SASS6: variants seen among roughly 807,000 people sequenced by gnomAD.
The protein encoded by SASS6 is spindle assembly abnormal protein 6 homolog.
SASS6 carries 59 observed loss-of-function variants against 94.9 expected under a neutral mutation model. That is an observed-to-expected ratio of 0.62 (90% CI 0.50 to 0.77). The LOEUF (loss-of-function observed/expected upper bound fraction) is 0.77. SASS6 is among the 30% of genes least tolerant of loss of function. SASS6 has a pLI of 0.00. For synonymous variants in SASS6, 264 were observed against 270.0 expected (o/e 0.98, Z 0.22); for missense variants, 698 against 734.1 (o/e 0.95, Z 0.57).
chr1:100,113,855 T>C (rs1653585594), intron 7 of SASS6, among the ~76,000 whole-genome samples: 2 of 152,118 alleles, frequency 1.3e-5, no homozygotes, highest in South Asian at 2.1e-4. Context: ...ATTGTACTAA[T>C]ATATTTAAAC....
intron 8 of SASS6, among the ~76,000 whole-genome samples, chr1:100,108,452 T>A (rs116558417): frequency 6.6e-6 from 1 of 151,960 alleles, no homozygotes; most frequent in Admixed American, 6.6e-5. Flanking sequence ...TATCTTTCTA[T>A]GTCAATAAAT....
chr1:100,119,910 G>C (rs1452903549), intron 6 of SASS6, among the ~76,000 whole-genome samples: 1 of 152,200 alleles, frequency 6.6e-6, no homozygotes, highest in Non-Finnish European at 1.5e-5. Context: ...GTTCTTTAAA[G>C]CAAAGCAAGA....
Position 100,105,922 on chromosome 1 carries a change from A to G in SASS6, c.1409-19T>C. 6.6e-7 allele frequency: 1 copy of G among 1,517,356 alleles called. No individual in the cohort carries two copies. Among genetic ancestry groups the G allele is most frequent in the South Asian group, 1.2e-5 (1 of 84,022 alleles). 94.0% of individuals were successfully genotyped at this position (1,517,356 alleles called of 1,614,324 possible). ...GTGATTACTTAAATAAAAGAACAAG[A>G]AGCAAGGTAAAGAATATTGACTGTT... On this transcript the variant is annotated intron_variant, in intron 12 of 16. Transcript: ENST00000287482.
intron 14 of SASS6, among the ~76,000 whole-genome samples, chr1:100,094,857 C>G (rs1299463900): frequency 2.7e-5 from 4 of 147,910 alleles, no homozygotes; most frequent in East Asian, 2.0e-4. Context: ...CAGAGAGAGA[C>G]TCTGTCTCCA....
intron 14 of SASS6, among the ~76,000 whole-genome samples, chr1:100,098,713 T>C (rs902211012): frequency 6.6e-6 from 1 of 151,946 alleles, no homozygotes; most frequent in African/African-American, 2.4e-5. Flanking sequence ...TAGTTAATTA[T>C]AGTACATCCG....
In SASS6 at chr1:100,120,335, G is replaced by A. The variant is rs993964168; in HGVS notation, c.549+59C>T. 7 of 791,168 alleles carry A rather than the reference G, an allele frequency of 8.8e-6. No individual in the cohort carries two copies. In the African/African-American group the frequency reaches 1.2e-4, roughly 14 times the overall value. 49.0% of individuals were successfully genotyped at this position (791,168 alleles called of 1,614,324 possible). A position where few individuals can be genotyped will look rare whatever the true frequency, so the allele number is the denominator to read the frequency against. ...CATAAAAGCTTGGAACTGAGTCAAG[G>A]AAGCAATTCAGTGCCAATGTCTGGA... On this transcript the variant is annotated intron_variant, in intron 6 of 16. Coordinates refer to ENST00000287482, the MANE Select transcript of SASS6 (RefSeq NM_194292.3).
chr1:100,121,668 T>C (rs1233146387), intron 4 of SASS6, 119 bp from the exon 5 acceptor site: 1 of 592,808 alleles, frequency 1.7e-6, no homozygotes, highest in African/African-American at 2.0e-5. Context: ...GGACTCCCAA[T>C]GGTAAAAGAT....
chr1:100,088,583 A>T (rs528046665), intron 14 of SASS6, among the ~76,000 whole-genome samples: 1 of 139,576 alleles, frequency 7.2e-6, no homozygotes, highest in Non-Finnish European at 1.5e-5. Context: ...AGCCACCATT[A>T]CCGGGGTGAA....
At chr1:100,114,853 T>C (rs1216786581) in intron 7 of SASS6, among the ~76,000 whole-genome samples, 2 of 152,234 alleles carry the variant, frequency 1.3e-5, no homozygotes, top group Non-Finnish European at 2.9e-5. Flanking sequence ...TGGAAATCTA[T>C]TGTTATAATT....
Position 100,117,854 on chromosome 1 carries a change from G to GA in SASS6, c.669+1163dup, listed in dbSNP as rs79222012. Reference sequence around the variant, plus strand: ...AATTAAGAAGGTGGCAGGGCACAGTGAAAAAAAAAAAATAACCACACAGAA... The same window carrying GA: ...AATTAAGAAGGTGGCAGGGCACAGTGAAAAAAAAAAAAATAACCACACAGAA... On this transcript the variant is annotated intron_variant, in intron 7 of 16. Coordinates refer to ENST00000287482, the MANE Select transcript of SASS6 (RefSeq NM_194292.3). 3.4e-3 allele frequency among the ~76,000 whole-genome samples: 235 copies of GA among 69,988 alleles called. 1 individual carries two copies. Among genetic ancestry groups the GA allele is most frequent in the Middle Eastern group, 0.014 (1 of 72 alleles). 45.9% of individuals were successfully genotyped at this position (69,988 alleles called of 152,430 possible).
intron 14 of SASS6, among the ~76,000 whole-genome samples, chr1:100,093,403 T>C (rs1443330522): frequency 6.6e-6 from 1 of 152,178 alleles, no homozygotes; most frequent in African/African-American, 2.4e-5. Context: ...AGATTTCTAG[T>C]TTAATTCCAG....
At chr1:100,091,325 A>C (rs1376584401) in intron 14 of SASS6, among the ~76,000 whole-genome samples, 4 of 152,040 alleles carry the variant, frequency 2.6e-5, no homozygotes, top group African/African-American at 9.7e-5. Context: ...AAGAATCACA[A>C]CCTAAAGAAG....
chr1:100,122,549 CTT>C (rs71075469), intron 3 of SASS6, 65 bp from the exon 4 acceptor site: 5,363 of 221,550 alleles, frequency 0.024, no homozygotes, highest in South Asian at 0.04. Context: ...GTTTTGGTGC[CTT>C]TTTTTTTTTT....
At chr1:100,120,981 C>T (rs973369775) in intron 5 of SASS6, among the ~76,000 whole-genome samples, 6 of 141,698 alleles carry the variant, frequency 4.2e-5, no homozygotes, top group Admixed American at 3.0e-4. Context: ...ACCCGGGAGG[C>T]GGAGCTTGCA....
At position 100,105,915 on chromosome 1, in the gene SASS6, GAAC is replaced by G. The variant is rs1235535680; in HGVS notation, c.1409-15_1409-13del. ...TAACCACGTGATTACTTAAATAAAA[GAAC>G]AAGAAGCAAGGTAAAGAATATTGAC... On this transcript the variant is annotated splice_polypyrimidine_tract_variant and intron_variant, in intron 12 of 16. Transcript: ENST00000287482. The G allele has an allele frequency of 1.3e-6, 2 of 1,556,834 alleles. No individual in the cohort carries two copies. Among genetic ancestry groups the G allele is most frequent in the East Asian group, 2.3e-5 (1 of 44,120 alleles).
In SASS6 at chr1:100,088,138, C is replaced by G; in HGVS notation, c.1772+1G>C. The G allele has an allele frequency of 6.6e-7, 1 of 1,521,602 alleles. No homozygotes were observed. The highest frequency in any genetic ancestry group is 9.1e-7 in the Non-Finnish European group (1 of 1,097,142). The allele number at this position is 1,521,602 out of a possible 1,614,324, so 94.3% of individuals were successfully genotyped here. Reference sequence around the variant, plus strand: ...TAAATTTTATGTCATTAAGCACTTACTTTTCCTTATCAGTTGAGCAAGGCA... The same window carrying G: ...TAAATTTTATGTCATTAAGCACTTAGTTTTCCTTATCAGTTGAGCAAGGCA... On this transcript the variant is annotated splice_donor_variant, in intron 15 of 16. Coordinates refer to ENST00000287482, the MANE Select transcript of SASS6 (RefSeq NM_194292.3). LOFTEE classifies it high-confidence loss of function.
At chr1:100,110,760 A>G (rs1443261166) in intron 7 of SASS6, among the ~76,000 whole-genome samples, 4 of 151,934 alleles carry the variant, frequency 2.6e-5, no homozygotes, top group Non-Finnish European at 5.9e-5. Flanking sequence ...TTTAGGTGCA[A>G]CAGTCTTCAA....
intron 14 of SASS6, among the ~76,000 whole-genome samples, chr1:100,101,985 GTTTAT>G (rs1021416869): frequency 3.3e-5 from 5 of 152,056 alleles, no homozygotes; most frequent in African/African-American, 1.2e-4. Context: ...TTTCATAAAT[GTTTAT>G]TTGTCTCATT....
chr1:100,105,965 T>TA lies in SASS6; in HGVS notation c.1409-63dup. 5.5e-6 allele frequency: 6 copies of TA among 1,087,312 alleles called. No individual in the cohort carries two copies. The South Asian group carries it at 1.2e-4, about 21-fold the overall frequency. 67.4% of individuals were successfully genotyped at this position (1,087,312 alleles called of 1,614,324 possible). On this transcript the variant is annotated intron_variant, in intron 12 of 16. Transcript: ENST00000287482. ...TGACTGTTTATTTTTCTAATCATCT[T>TA]AAACATTTAAAAATTATATTAAGAT... is the stretch of plus-strand genomic sequence containing the variant.
Sources: allele counts gnomAD v4.1 joint callset (sites outside exome capture counted in the v4.1 genomes callset), GRCh38; gene constraint gnomAD v4.1.1; transcripts MANE v1.5; gene names NCBI Gene and HGNC (gene_info 2026-07-23, HGNC 2026-07-21).